The following NOL4 variants were observed in gnomAD, a reference collection of about 807,000 sequenced individuals.
NOL4 encodes the protein cancer/testis antigen 125.
Under a neutral mutation model 75.9 loss-of-function variants are expected in NOL4, and 17 were observed. That is an observed-to-expected ratio of 0.22 (90% CI 0.15 to 0.34). The LOEUF is 0.34. Among genes scored for constraint, NOL4 ranks in the 10% least tolerant of loss-of-function variants. The probability of loss-of-function intolerance (pLI) is 1.00; values close to 1 mark genes in which losing one functional copy is unlikely to be tolerated. For missense variants in NOL4, 614 were observed against 793.5 expected (o/e 0.77, Z 2.72); for synonymous variants, 292 against 289.9 (o/e 1.01, Z -0.07).
At chr18:34,021,265 A>G (rs1389074876) in intron 5 of NOL4, among the ~76,000 whole-genome samples, 1 of 152,216 alleles carries the variant, frequency 6.6e-6, no homozygotes, top group Non-Finnish European at 1.5e-5. Flanking sequence ...TAAAGACATC[A>G]TAGAAGGCTT....
At chr18:34,173,603 G>GA (rs538624497) in intron 1 of NOL4, among the ~76,000 whole-genome samples, 11 of 151,986 alleles carry the variant, frequency 7.2e-5, no homozygotes, top group Non-Finnish European at 1.3e-4. Flanking sequence ...AATAAGTAAG[G>GA]AAAAAATCAA....
At chr18:34,198,415 T>C (rs1218315761) in intron 1 of NOL4, among the ~76,000 whole-genome samples, 1 of 151,900 alleles carries the variant, frequency 6.6e-6, no homozygotes, top group African/African-American at 2.4e-5. Context: ...CTTCAAAATA[T>C]TTTCTAATTT....
intron 10 of NOL4, among the ~76,000 whole-genome samples, chr18:33,880,767 C>A (rs1479227420): frequency 3.3e-5 from 5 of 151,638 alleles, no homozygotes; most frequent in Non-Finnish European, 2.9e-5. Context: ...GCATTGGTGG[C>A]AGAATGGATC....
At chr18:34,187,581 G>C (rs914712690) in intron 1 of NOL4, among the ~76,000 whole-genome samples, 1 of 151,814 alleles carries the variant, frequency 6.6e-6, no homozygotes, top group Non-Finnish European at 1.5e-5. Context: ...TAGAGACGGG[G>C]TTTCACCGTG....
chr18:34,176,076 A>T (rs934056631), intron 1 of NOL4, among the ~76,000 whole-genome samples: 1 of 152,122 alleles, frequency 6.6e-6, no homozygotes, highest in Non-Finnish European at 1.5e-5. Context: ...AGAGCTAAAG[A>T]AGAGTATAAG....
At chr18:34,035,576 G>T (rs922169082) in intron 5 of NOL4, among the ~76,000 whole-genome samples, 4 of 150,824 alleles carry the variant, frequency 2.7e-5, no homozygotes, top group Non-Finnish European at 5.9e-5. Context: ...GATCCTCAAG[G>T]AACTGGAAAA....
intron 8 of NOL4, among the ~76,000 whole-genome samples, chr18:33,954,576 T>C (rs1220739603): frequency 6.6e-6 from 1 of 151,868 alleles, no homozygotes; most frequent in Non-Finnish European, 1.5e-5. Context: ...GTTCCTCTCA[T>C]TGAAAAGGGA....
At chr18:34,114,116 T>C (rs1187970212) in intron 2 of NOL4, among the ~76,000 whole-genome samples, 4 of 152,226 alleles carry the variant, frequency 2.6e-5, no homozygotes, top group Admixed American at 2.0e-4. Context: ...TGTAAAATAC[T>C]ATAATCATTC....
chr18:34,057,542 T>C (rs2076881831), intron 5 of NOL4, among the ~76,000 whole-genome samples: 1 of 152,228 alleles, frequency 6.6e-6, no homozygotes, highest in South Asian at 2.1e-4. Flanking sequence ...GGCCTATCAG[T>C]GGCATCTGCT....
At chr18:34,090,416 T>C (rs892617285) in intron 5 of NOL4, among the ~76,000 whole-genome samples, 1 of 152,058 alleles carries the variant, frequency 6.6e-6, no homozygotes, top group African/African-American at 2.4e-5. Flanking sequence ...CTGAAGAATG[T>C]TAACAATTAG....
At chr18:34,063,424 C>T (rs1485588555) in intron 5 of NOL4, among the ~76,000 whole-genome samples, 1 of 152,054 alleles carries the variant, frequency 6.6e-6, no homozygotes, top group Non-Finnish European at 1.5e-5. Flanking sequence ...CTTCCATTTG[C>T]ACTCCATCTT....
At chr18:34,197,488 C>A (rs1231573529) in intron 1 of NOL4, among the ~76,000 whole-genome samples, 1 of 151,914 alleles carries the variant, frequency 6.6e-6, no homozygotes, top group Admixed American at 6.6e-5. Context: ...TTGTTTTGTG[C>A]CAGAAGCTAA....
At chr18:34,018,436 T>C (rs1421721583) in intron 6 of NOL4, among the ~76,000 whole-genome samples, 2 of 152,180 alleles carry the variant, frequency 1.3e-5, no homozygotes, top group Admixed American at 6.6e-5. Context: ...TTAGGAAGCA[T>C]AATGCCTTAG....
intron 9 of NOL4, among the ~76,000 whole-genome samples, chr18:33,887,663 T>C (rs887206079): frequency 2.0e-5 from 3 of 151,730 alleles, no homozygotes; most frequent in Non-Finnish European, 2.9e-5. Flanking sequence ...AGTGAGAACA[T>C]GCGGTATTTG....
chr18:33,891,171 C>A (rs984782856), intron 9 of NOL4, among the ~76,000 whole-genome samples: 12 of 151,986 alleles, frequency 7.9e-5, no homozygotes, highest in Non-Finnish European at 1.8e-4. Context: ...AGAGATGAAC[C>A]TGTGATGCTC....
chr18:34,173,043 T>A (rs1286086324), intron 1 of NOL4, among the ~76,000 whole-genome samples: 2 of 152,094 alleles, frequency 1.3e-5, no homozygotes, highest in Non-Finnish European at 2.9e-5. Flanking sequence ...TTGCTTTTTT[T>A]GCCTGTGTTT....
intron 1 of NOL4, among the ~76,000 whole-genome samples, chr18:34,184,214 A>T (rs2034278195): frequency 6.6e-6 from 1 of 151,838 alleles, no homozygotes; most frequent in Non-Finnish European, 1.5e-5. Context: ...CTCAGTGCTA[A>T]TTCTGAGTAT....
At chr18:34,212,476 C>G (rs1027618087) in intron 1 of NOL4, among the ~76,000 whole-genome samples, 3 of 152,212 alleles carry the variant, frequency 2.0e-5, no homozygotes, top group African/African-American at 7.2e-5. Flanking sequence ...CATTAAAGAA[C>G]TATGTATCAG....
intron 1 of NOL4, among the ~76,000 whole-genome samples, chr18:34,159,903 G>C (rs941243333): frequency 1.3e-5 from 2 of 152,022 alleles, no homozygotes; most frequent in Non-Finnish European, 2.9e-5. Flanking sequence ...AGAGGGATGC[G>C]GGGAGGGGAG....
Sources: gnomAD v4.1 joint callset for allele counts (sites outside exome capture counted in the v4.1 genomes callset) on GRCh38, gnomAD v4.1.1 for gene constraint, MANE v1.5 for transcripts, NCBI Gene and HGNC (gene_info 2026-07-23, HGNC 2026-07-21) for gene names.